Variants in BOLL observed in about 807,000 individuals in gnomAD.
The protein encoded by BOLL is boule RNA binding protein, also known as protein boule-like.
BOLL carries 23 observed loss-of-function variants against 44.4 expected under a neutral mutation model. The ratio of observed to expected loss-of-function variants is 0.52; its 90% CI spans 0.37 to 0.73. The LOEUF (loss-of-function observed/expected upper bound fraction) is 0.73, where lower values mean the gene tolerates loss of function less well. BOLL is among the 30% of genes least tolerant of loss of function. The pLI, the probability that BOLL is intolerant of heterozygous loss-of-function variation, is 0.00. For synonymous variants in BOLL, 97 were observed against 110.8 expected (o/e 0.88, Z 0.78); for missense variants, 287 against 338.3 (o/e 0.85, Z 1.19).
intron 9 of BOLL, among the ~76,000 whole-genome samples, chr2:197,746,022 A>C (rs572997772): frequency 6.6e-6 from 1 of 152,348 alleles, no homozygotes; most frequent in African/African-American, 2.4e-5. Flanking sequence ...CTTGTCTACT[A>C]TCTAGCCTTT....
rs771325045 is a variant in BOLL at position 197,775,681 on chromosome 2, T to C, written c.336A>G (p.Gln112=). 16 of 1,565,500 alleles carry C rather than the reference T, an allele frequency of 1.0e-5. No homozygotes were observed. Among genetic ancestry groups the C allele is most frequent in the South Asian group, 4.9e-5 (4 of 82,474 alleles). Residue 112 remains glutamine (Q), a synonymous_variant, in exon 5 of 11, where the codon CAA becomes CAG. Transcript: ENST00000392296. ...KLNIGPAIRK[Q]QVGIPRSSIM... is the part of the protein sequence containing the mutation. ...AATACATACGAGGGATCCCTACTTG[T>C]TGTTTTCTTATTGCTGGACCAATGT...
intron 7 of BOLL, among the ~76,000 whole-genome samples, chr2:197,765,900 G>C (rs1388955745): frequency 8.6e-5 from 13 of 151,880 alleles, no homozygotes; most frequent in Non-Finnish European, 1.6e-4. Context: ...TTACGTTCAT[G>C]AGTTCTCATC....
chr2:197,750,295 A>G (rs767475333), intron 9 of BOLL, among the ~76,000 whole-genome samples: 1 of 152,218 alleles, frequency 6.6e-6, no homozygotes, highest in Non-Finnish European at 1.5e-5. Context: ...CACACATAAC[A>G]ATATTAACTT....
At chr2:197,750,296 A>G (rs1688176104) in intron 9 of BOLL, among the ~76,000 whole-genome samples, 1 of 152,218 alleles carries the variant, frequency 6.6e-6, no homozygotes, top group Non-Finnish European at 1.5e-5. Flanking sequence ...ACACATAACA[A>G]TATTAACTTA....
At chr2:197,736,496 T>C (rs1687498945) in intron 10 of BOLL, among the ~76,000 whole-genome samples, 1 of 152,138 alleles carries the variant, frequency 6.6e-6, no homozygotes, top group East Asian at 1.9e-4. Context: ...TGAATGCTAA[T>C]TTCTTCGTTT....
chr2:197,752,606 G>GATGTT (rs1688313646), intron 9 of BOLL, among the ~76,000 whole-genome samples: 1 of 152,142 alleles, frequency 6.6e-6, no homozygotes, highest in Non-Finnish European at 1.5e-5. Flanking sequence ...GGGATGTGAA[G>GATGTT]GACCTCTTCA....
At position 197,766,515 on chromosome 2, in the gene BOLL, T is replaced by C. The variant is rs1303210216; in HGVS notation, c.552+17A>G. The C allele has an allele frequency of 6.3e-7, 1 of 1,584,816 alleles. No homozygotes were observed. Among genetic ancestry groups the C allele is most frequent in the African/African-American group, 1.3e-5 (1 of 74,382 alleles). ...CTGAAAGTTTCAGAGAGAATTTTAA[T>C]TGTAATTTATGTTTACCTGGTAGTG... On this transcript the variant is annotated intron_variant, in intron 7 of 10. Coordinates refer to ENST00000392296, the MANE Select transcript of BOLL (RefSeq NM_033030.6).
intron 7 of BOLL, among the ~76,000 whole-genome samples, chr2:197,758,634 G>T (rs1219988675): frequency 6.6e-6 from 1 of 152,112 alleles, no homozygotes; most frequent in East Asian, 1.9e-4. Flanking sequence ...GCTGGAGTTT[G>T]GTCTGCAAGC....
chr2:197,733,297 C>G (rs1687298984), intron 10 of BOLL, among the ~76,000 whole-genome samples: 3 of 140,692 alleles, frequency 2.1e-5, no homozygotes, highest in Non-Finnish European at 3.1e-5. Flanking sequence ...AACCACTGCT[C>G]AACGAAATAA....
At chr2:197,731,091 T>C (rs1016778129) in intron 10 of BOLL, among the ~76,000 whole-genome samples, 1 of 152,000 alleles carries the variant, frequency 6.6e-6, no homozygotes, top group African/African-American at 2.4e-5. Flanking sequence ...GAGACACACA[T>C]AGGCTCAAAA....
intron 9 of BOLL, among the ~76,000 whole-genome samples, chr2:197,753,598 G>A (rs1483415867): frequency 3.3e-5 from 5 of 152,130 alleles, no homozygotes; most frequent in African/African-American, 9.7e-5. Context: ...ACCATCTCAC[G>A]CCAGTTAGAA....
intron 10 of BOLL, among the ~76,000 whole-genome samples, chr2:197,739,889 T>G (rs1459140563): frequency 1.3e-5 from 2 of 152,212 alleles, no homozygotes; most frequent in Admixed American, 6.5e-5. Flanking sequence ...CTTTGTGATA[T>G]AGCTCTCTCT....
rs142614771 is a variant in BOLL, at chr2:197,754,750, AACACACACAC to A, written c.729+1668_729+1677del. Among the ~76,000 whole-genome samples the A allele has an allele frequency of 5.1e-3, 771 of 150,014 alleles. 4 individuals carry two copies. Among genetic ancestry groups the A allele is most frequent in the African/African-American group, 0.017 (709 of 41,138 alleles). ...CAAAAAACAAACAAAAAAACCCCAA[AACACACACAC>A]ACACACACACACACACACACACACA... On this transcript the variant is annotated intron_variant, in intron 9 of 10. Transcript: ENST00000392296.
chr2:197,738,268 G>A lies in BOLL; in HGVS notation c.828+4793C>T, dbSNP rs78448609. Reference sequence around the variant, plus strand: ...CTTTTATTTCTTTTTTAAAATTAGAGATGGGGTCTCGCCATATTGCCAGGC... The same window carrying A: ...CTTTTATTTCTTTTTTAAAATTAGAAATGGGGTCTCGCCATATTGCCAGGC... On this transcript the variant is annotated intron_variant, in intron 10 of 10. Transcript: ENST00000392296. Among the ~76,000 whole-genome samples, 720 of 152,086 alleles carry A rather than the reference G, an allele frequency of 4.7e-3. 3 individuals are homozygous for A. Among genetic ancestry groups the A allele is most frequent in the Non-Finnish European group, 7.1e-3 (484 of 67,998 alleles).
At chr2:197,758,946 T>A (rs1688631522) in intron 7 of BOLL, 2 of 1,535,704 alleles carry the variant, frequency 1.3e-6, no homozygotes, top group South Asian at 2.4e-5. Flanking sequence ...ACTGACCTCA[T>A]CACATTTGGT....
intron 6 of BOLL, 142 bp downstream of exon 6, chr2:197,771,713 G>C (rs1002673950): frequency 1.6e-5 from 16 of 998,654 alleles, no homozygotes; most frequent in Non-Finnish European, 4.1e-6. Context: ...AGTAAATGTG[G>C]CAAAATGTTG....
At chr2:197,737,031 A>G (rs768835012) in intron 10 of BOLL, among the ~76,000 whole-genome samples, 5 of 152,020 alleles carry the variant, frequency 3.3e-5, no homozygotes, top group Non-Finnish European at 5.9e-5. Flanking sequence ...GATTCTTTCC[A>G]TCATGTCAAT....
In BOLL at chr2:197,775,694, G is replaced by A. The variant is rs779657994; in HGVS notation, c.323C>T (p.Ala108Val). ...GATCCCTACTTGTTGTTTTCTTATT[G>A]CTGGACCAATGTTCAGCTTCTTATC... ...YKDKKLNIGPAIRKQQVGIPR... is the reference protein window; with the variant it reads ...YKDKKLNIGPVIRKQQVGIPR... Residue 108 changes from alanine (A) to valine (V), a missense_variant, in exon 5 of 11, where the codon GCA (alanine) becomes GTA (valine). By Grantham distance (64) the Ala-to-Val change is moderately conservative. Coordinates refer to ENST00000392296, the MANE Select transcript of BOLL (RefSeq NM_033030.6). 1.2e-5 allele frequency: 19 copies of A among 1,565,322 alleles called. No homozygotes were observed. Among genetic ancestry groups the A allele is most frequent in the Non-Finnish European group, 1.6e-5 (19 of 1,154,232 alleles).
At chr2:197,780,729 A>G (rs1689728960) in intron 2 of BOLL, among the ~76,000 whole-genome samples, 1 of 152,056 alleles carries the variant, frequency 6.6e-6, no homozygotes, top group Admixed American at 6.6e-5. Context: ...CAGATTGGTT[A>G]TATGGAAATA....
Sources: gnomAD v4.1 joint callset for allele counts (sites outside exome capture counted in the v4.1 genomes callset) on GRCh38, gnomAD v4.1.1 for gene constraint, MANE v1.5 for transcripts, NCBI Gene and HGNC (gene_info 2026-07-23, HGNC 2026-07-21) for gene names.